The following PCDH7 variants were observed in gnomAD, a reference collection of about 807,000 sequenced individuals.
The protein encoded by PCDH7 is protocadherin 7.
A neutral mutation model predicts 58.9 loss-of-function variants in PCDH7; 17 were observed. That is an observed-to-expected ratio of 0.29 (90% CI 0.20 to 0.43). The LOEUF (loss-of-function observed/expected upper bound fraction) is 0.43, where lower values mean the gene tolerates loss of function less well. Ranked by LOEUF, PCDH7 falls within the 20% of genes least tolerant of loss-of-function variation. The probability of loss-of-function intolerance (pLI) is 1.00; values close to 1 mark genes in which losing one functional copy is unlikely to be tolerated. For synonymous variants in PCDH7, 664 were observed against 616.4 expected, an observed-to-expected ratio of 1.08 and a Z score of -1.14; for missense variants, 1,274 against 1,441.0, an observed-to-expected ratio of 0.88 and a Z score of 1.88.
chr4:30,847,900 T>C (rs556901604), intron 1 of PCDH7, among the ~76,000 whole-genome samples: 6 of 152,240 alleles, frequency 3.9e-5, no homozygotes, highest in Non-Finnish European at 7.4e-5. Context: ...AGTGTGAACC[T>C]AGGGTTTAGA....
intron 1 of PCDH7, among the ~76,000 whole-genome samples, chr4:30,764,231 T>G (rs1312237829): frequency 1.3e-5 from 2 of 152,158 alleles, no homozygotes; most frequent in African/African-American, 2.4e-5. Context: ...TGACATCAGA[T>G]GGCCCTGACC....
intron 1 of PCDH7, among the ~76,000 whole-genome samples, chr4:30,879,147 C>A (rs542316438): frequency 6.6e-6 from 1 of 151,884 alleles, no homozygotes; most frequent in Non-Finnish European, 1.5e-5. Context: ...AAATCCAATT[C>A]TTTCCTCCTG....
chr4:30,815,001 C>T (rs1727485735), intron 1 of PCDH7, among the ~76,000 whole-genome samples: 1 of 151,672 alleles, frequency 6.6e-6, no homozygotes, highest in Non-Finnish European at 1.5e-5. Context: ...AGCTTTGAGA[C>T]AGATTAACAA....
At chr4:31,102,485 G>A (rs776218277) in intron 3 of PCDH7, among the ~76,000 whole-genome samples, 6 of 152,112 alleles carry the variant, frequency 3.9e-5, no homozygotes, top group Non-Finnish European at 7.4e-5. Flanking sequence ...CACTTTGGGA[G>A]GCTGAGGTGG....
At chr4:31,108,491 C>T (rs917243455) in intron 3 of PCDH7, among the ~76,000 whole-genome samples, 1 of 149,074 alleles carries the variant, frequency 6.7e-6, no homozygotes, top group Admixed American at 6.8e-5. Flanking sequence ...AAGTTAACTG[C>T]TAATTCGATG....
intron 3 of PCDH7, among the ~76,000 whole-genome samples, chr4:31,081,354 T>C (rs1049735422): frequency 2.6e-5 from 4 of 152,260 alleles, no homozygotes; most frequent in Non-Finnish European, 5.9e-5. Flanking sequence ...CCACATTTTA[T>C]ACTACTTAGT....
intron 1 of PCDH7, among the ~76,000 whole-genome samples, chr4:30,826,871 G>A (rs192558259): frequency 6.6e-5 from 10 of 152,096 alleles, no homozygotes; most frequent in South Asian, 2.1e-4. Context: ...GACTACTGGC[G>A]CACACCACCA....
In PCDH7 at chr4:30,968,308, ATATATATACAC is replaced by A. The variant is rs1560541259; in HGVS notation, c.*7+18102_*7+18112del. Among the ~76,000 whole-genome samples, 16 of 65,502 alleles carry A rather than the reference ATATATATACAC, an allele frequency of 2.4e-4. 1 individual carries two copies. The South Asian group carries it at 5.7e-3, about 23-fold the overall frequency. The allele number at this position is 65,502 out of a possible 152,430, so 43.0% of individuals were successfully genotyped here. ...AATTACTCTCTCTCTCTCTCTATAT[ATATATATACAC>A]TATATATATATATACACACACTATA... On this transcript the variant is annotated intron_variant, in intron 3 of 3. Coordinates refer to the PCDH7 transcript ENST00000509759.
intron 1 of PCDH7, among the ~76,000 whole-genome samples, chr4:30,833,610 A>G (rs1730087189): frequency 6.6e-6 from 1 of 152,176 alleles, no homozygotes; most frequent in African/African-American, 2.4e-5. Flanking sequence ...CATAGGGTAC[A>G]TGGGTAAGGA....
intron 1 of PCDH7, among the ~76,000 whole-genome samples, chr4:30,858,222 C>T (rs565800206): frequency 7.2e-5 from 11 of 152,158 alleles, no homozygotes; most frequent in South Asian, 2.1e-4. Flanking sequence ...TTCTGATATA[C>T]GTTGAAAAAG....
chr4:31,030,123 G>T (rs148126511), intron 3 of PCDH7, among the ~76,000 whole-genome samples: 3 of 151,986 alleles, frequency 2.0e-5, no homozygotes, highest in African/African-American at 7.2e-5. Context: ...TGTGGGTTGC[G>T]TGTGTATGTT....
rs569368207 is a variant in PCDH7 at position 30,893,192 on chromosome 4, G to A, written c.71-26961G>A. Among the ~76,000 whole-genome samples, 6 of 152,146 alleles carry A rather than the reference G, an allele frequency of 3.9e-5. No individual in the cohort carries two copies. In the East Asian group the frequency reaches 1.2e-3, roughly 29 times the overall value. On this transcript the variant is annotated intron_variant, in intron 1 of 3. Transcript: ENST00000509759. Reference sequence around the variant, plus strand: ...AATTGGAAGCATCAAAAACAAATTAGCTATTTTCCATGGCAAAATAAGCAG... The same window carrying A: ...AATTGGAAGCATCAAAAACAAATTAACTATTTTCCATGGCAAAATAAGCAG...
intron 1 of PCDH7, among the ~76,000 whole-genome samples, chr4:30,739,149 T>TTA (rs916929733): frequency 6.8e-6 from 1 of 146,418 alleles, no homozygotes; most frequent in Admixed American, 6.9e-5. Flanking sequence ...TATATATATT[T>TTA]TATATATATA....
intron 2 of PCDH7, among the ~76,000 whole-genome samples, chr4:30,920,890 T>A (rs1743105419): frequency 6.6e-6 from 1 of 152,158 alleles, no homozygotes; most frequent in Non-Finnish European, 1.5e-5. Context: ...TTGTTCTCCA[T>A]AGTATGCAAT....
intron 3 of PCDH7, among the ~76,000 whole-genome samples, chr4:31,035,255 T>A (rs1755303925): frequency 7.2e-6 from 1 of 138,000 alleles, no homozygotes; most frequent in Non-Finnish European, 1.6e-5. Context: ...CCCTTTTTTT[T>A]TTTTTTTTTT....
At chr4:31,088,285 AT>A (rs1375020998) in intron 3 of PCDH7, among the ~76,000 whole-genome samples, 4 of 151,956 alleles carry the variant, frequency 2.6e-5, no homozygotes, top group Non-Finnish European at 4.4e-5. Context: ...GCTTCTGTTA[AT>A]TTTCTGTTAA....
chr4:30,982,189 G>A (rs1254628695), intron 3 of PCDH7, among the ~76,000 whole-genome samples: 3 of 152,106 alleles, frequency 2.0e-5, no homozygotes, highest in African/African-American at 7.2e-5. Context: ...TAATTTTTGT[G>A]GATTTAAAAT....
intron 3 of PCDH7, among the ~76,000 whole-genome samples, chr4:31,100,802 T>G (rs959962553): frequency 2.0e-5 from 3 of 152,158 alleles, no homozygotes; most frequent in African/African-American, 7.2e-5. Context: ...GTACTTGAAG[T>G]TATAGAAAAA....
At position 31,107,182 on chromosome 4, in the gene PCDH7, C is replaced by T. The variant is rs61138265; in HGVS notation, c.*8-35291C>T. On this transcript the variant is annotated intron_variant, in intron 3 of 3. Coordinates refer to the PCDH7 transcript ENST00000509759. ...GGTATATATCTGATAAAATTACCCA[C>T]GAAATTTTTTTATAACTAAGTACTA... Among the ~76,000 whole-genome samples the T allele has an allele frequency of 4.6e-3, 692 of 152,062 alleles. 6 individuals carry two copies. Among genetic ancestry groups the T allele is most frequent in the African/African-American group, 0.015 (640 of 41,456 alleles).
Sources: allele counts gnomAD v4.1 joint callset (sites outside exome capture counted in the v4.1 genomes callset), GRCh38; gene constraint gnomAD v4.1.1; transcripts MANE v1.5; gene names NCBI Gene and HGNC (gene_info 2026-07-23, HGNC 2026-07-21).